The following TIPIN variants were observed in gnomAD, a reference collection of about 807,000 sequenced individuals.
TIPIN encodes the protein TIMELESS interacting protein.
A neutral mutation model predicts 35.6 loss-of-function variants in TIPIN; 29 were observed. That is an observed-to-expected ratio of 0.82 (90% CI 0.61 to 1.11). The LOEUF is 1.11. Among genes scored for constraint, TIPIN ranks in the 50% most tolerant of loss-of-function variants. The pLI is 0.00. For synonymous variants in TIPIN, 102 were observed against 121.5 expected (o/e 0.84, Z 1.06); for missense variants, 296 against 345.4 (o/e 0.86, Z 1.13).
chr15:66,366,359 CAA>C (rs1326822546), intron 1 of TIPIN, among the ~76,000 whole-genome samples: 1 of 151,856 alleles, frequency 6.6e-6, no homozygotes, highest in Non-Finnish European at 1.5e-5. Context: ...GAGGCTGAGA[CAA>C]GAGGATTGCT....
At chr15:66,355,328 C>T (rs574929713) in intron 1 of TIPIN, among the ~76,000 whole-genome samples, 2 of 151,526 alleles carry the variant, frequency 1.3e-5, no homozygotes, top group Non-Finnish European at 2.9e-5. Flanking sequence ...CCATCGCGCC[C>T]GGCCCCAGGT....
At chr15:66,341,521 C>A (rs1390564520) in intron 6 of TIPIN, among the ~76,000 whole-genome samples, 165 bp from the exon 7 acceptor site, 2,293 of 3,872 alleles carry the variant, frequency 0.59, 889 homozygotes, top group Middle Eastern at 1. Context: ...GTAATCCCAG[C>A]ACTTTGGGAG....
At chr15:66,340,094 G>A (rs1230359860) in intron 7 of TIPIN, among the ~76,000 whole-genome samples, 1 of 150,022 alleles carries the variant, frequency 6.7e-6, no homozygotes, top group Non-Finnish European at 1.5e-5. Context: ...GGATGGTCTC[G>A]ATCTCCTGAC....
At chr15:66,339,280 CT>C (rs62627330) in intron 7 of TIPIN, among the ~76,000 whole-genome samples, 144 of 142,834 alleles carry the variant, frequency 1.0e-3, no homozygotes, top group Non-Finnish European at 1.1e-3. Flanking sequence ...TATTATAATT[CT>C]TTTTTTTTTT....
At chr15:66,366,698 C>T (rs1464731315) in intron 1 of TIPIN, 33 of 447,906 alleles carry the variant, frequency 7.4e-5, no homozygotes, top group Admixed American at 1.4e-4. Flanking sequence ...ACCCAGGAGG[C>T]GGAGGTTGCA....
intron 1 of TIPIN, among the ~76,000 whole-genome samples, chr15:66,373,151 A>C (rs898203606): frequency 6.6e-6 from 1 of 152,162 alleles, no homozygotes; most frequent in Non-Finnish European, 1.5e-5. Flanking sequence ...CACATTTCTC[A>C]GAACATATTC....
chr15:66,378,928 A>C (rs1272216506), intron 1 of TIPIN, among the ~76,000 whole-genome samples: 1 of 152,118 alleles, frequency 6.6e-6, no homozygotes, highest in East Asian at 1.9e-4. Context: ...AATTTTATTA[A>C]AAATATTTTC....
At chr15:66,340,411 C>A (rs546569714) in intron 7 of TIPIN, among the ~76,000 whole-genome samples, 1 of 147,410 alleles carries the variant, frequency 6.8e-6, no homozygotes, top group Admixed American at 6.9e-5. Context: ...CTGCTGACCT[C>A]GGGTGATGGC....
At chr15:66,359,154 AACACACACACACACACACAGACAC>A (rs1470734553), upstream of TIPIN, among the ~76,000 whole-genome samples, 4 of 134,856 alleles carry the variant, frequency 3.0e-5, no homozygotes, top group South Asian at 2.3e-4. Flanking sequence ...CCTGTCTCAA[AACACACACACACACACACAGACAC>A]ACACACACAC....
intron 4 of TIPIN, 60 bp from the exon 5 acceptor site, chr15:66,349,497 G>A: frequency 2.6e-6 from 4 of 1,564,658 alleles, no homozygotes; most frequent in East Asian, 2.3e-5. Flanking sequence ...GACCCCGTCA[G>A]CAACTTTCAG....
In TIPIN at chr15:66,349,057, T is replaced by C. The variant is rs755304657; in HGVS notation, c.475+3A>G. The C allele has an allele frequency of 1.5e-5, 24 of 1,606,712 alleles. No homozygotes were observed. The highest frequency in any genetic ancestry group is 2.0e-5 in the Non-Finnish European group (23 of 1,175,378). ...TATAAAGTAGATAAACCTATATTCT[T>C]ACCATTATTGCTAACAAAATCTTCA... is the stretch of plus-strand genomic sequence containing the variant. On this transcript the variant is annotated splice_donor_region_variant and intron_variant, in intron 6 of 7. Coordinates refer to ENST00000261881, the MANE Select transcript of TIPIN (RefSeq NM_017858.3).
At chr15:66,377,264 G>C (rs1241934486) in intron 1 of TIPIN, among the ~76,000 whole-genome samples, 2 of 152,148 alleles carry the variant, frequency 1.3e-5, no homozygotes, top group African/African-American at 2.4e-5. Flanking sequence ...AAAGCCATTT[G>C]TATGACTTTA....
At chr15:66,366,264 G>C (rs1381904031) in intron 1 of TIPIN, among the ~76,000 whole-genome samples, 1 of 151,664 alleles carries the variant, frequency 6.6e-6, no homozygotes, top group Non-Finnish European at 1.5e-5. Context: ...GACCAGCCTG[G>C]CCAACATGGT....
chr15:66,337,788 A>T (rs1018053522), intron 7 of TIPIN, among the ~76,000 whole-genome samples: 19 of 152,046 alleles, frequency 1.2e-4, no homozygotes, highest in African/African-American at 3.1e-4. Flanking sequence ...AATAAAAAAA[A>T]AAATAATTAG....
In TIPIN at chr15:66,337,063, A is replaced by C; in HGVS notation, c.801T>G (p.Ala267=). 1 of 1,614,132 alleles carries C rather than the reference A, an allele frequency of 6.2e-7. No homozygotes were observed. The highest frequency in any genetic ancestry group is 1.3e-5 in the African/African-American group (1 of 75,062). The change falls in exon 8 of 8, where the codon GCT becomes GCG. Residue 267 remains alanine, a synonymous_variant. Transcript: ENST00000261881. ...EDILDNPCND[A]IANTLNEEET... is the part of the protein sequence containing the mutation. ...CCTCTTCATTTAAAGTATTGGCAAT[A>C]GCATCATTACATGGATTGTCCAGAA... is the stretch of plus-strand genomic sequence containing the variant.
At chr15:66,376,455 GGT>G (rs1158297075) in intron 1 of TIPIN, among the ~76,000 whole-genome samples, 2 of 151,418 alleles carry the variant, frequency 1.3e-5, no homozygotes, top group Non-Finnish European at 2.9e-5. Context: ...TTTGAGACGG[GGT>G]TTTGCTCGTT....
chr15:66,386,126 C>T (rs551105561), intron 1 of TIPIN, among the ~76,000 whole-genome samples: 1 of 152,200 alleles, frequency 6.6e-6, no homozygotes, highest in East Asian at 1.9e-4. Context: ...AAACCCGTTT[C>T]TACAAAAATA....
At position 66,337,176 on chromosome 15, in the gene TIPIN, A is replaced by G. The variant is rs2093050722; in HGVS notation, c.688T>C (p.Leu230=). The change falls in exon 8 of 8, where the codon TTA becomes CTA. Residue 230 remains leucine, a synonymous_variant. Coordinates refer to ENST00000261881, the MANE Select transcript of TIPIN (RefSeq NM_017858.3). The stretch of plus-strand genomic sequence containing the variant: ...GTGTGTGCCCTGGGTGTATTCATTA[A>G]CATATCTGAAAGAAATCATACCATT... The part of the protein sequence containing the change: ...SNSQTLGNDM[L]MNTPRAHTVE... 6.2e-7 allele frequency: 1 copy of G among 1,612,496 alleles called. No individual in the cohort carries two copies. The highest frequency in any genetic ancestry group is 1.3e-5 in the African/African-American group (1 of 75,006).
At chr15:66,346,949 A>C (rs2093130046) in intron 6 of TIPIN, among the ~76,000 whole-genome samples, 1 of 151,510 alleles carries the variant, frequency 6.6e-6, no homozygotes, top group South Asian at 2.1e-4. Context: ...CCGCCACCAC[A>C]CCCGGCTAAT....
Sources: allele counts gnomAD v4.1 joint callset (sites outside exome capture counted in the v4.1 genomes callset), GRCh38; gene constraint gnomAD v4.1.1; transcripts MANE v1.5; gene names NCBI Gene and HGNC (gene_info 2026-07-23, HGNC 2026-07-21).